Variants in RFX2 observed in about 807,000 individuals in gnomAD.
RFX2 encodes DNA-binding protein RFX2.
A neutral mutation model predicts 87.8 loss-of-function variants in RFX2; 20 were observed. That is an observed-to-expected ratio of 0.23 (90% confidence interval 0.16 to 0.33). The LOEUF is 0.33. RFX2 is among the 10% of genes least tolerant of loss of function. The probability of loss-of-function intolerance (pLI) is 1.00; values close to 1 mark genes in which losing one functional copy is unlikely to be tolerated. For missense variants in RFX2, 767 were observed against 1,012.3 expected, an observed-to-expected ratio of 0.76 and a Z score of 3.29; for synonymous variants, 397 against 431.3, an observed-to-expected ratio of 0.92 and a Z score of 0.98.
In RFX2 at chr19:6,012,584, T is replaced by G. The variant is rs1473989285; in HGVS notation, c.899+402A>C. 6.6e-6 allele frequency among the ~76,000 whole-genome samples: 1 copy of G among 151,788 alleles called. No individual in the cohort carries two copies. Among genetic ancestry groups the G allele is most frequent in the Non-Finnish European group, 1.5e-5 (1 of 67,960 alleles). On this transcript the variant is annotated intron_variant, in intron 8 of 17. Transcript: ENST00000303657. The surrounding 1 kb of genome is among the most constrained non-coding windows in gnomAD (Gnocchi z 4.6). ...GACTGTGGACTCTGGGGGGTGATGC[T>G]GGCTCCGCGGAGGGTCACGGGTCAT...
At position 6,002,215 on chromosome 19, in the gene RFX2, C is replaced by T. The variant is rs1182501033; in HGVS notation, c.1651-192G>A. Among the ~76,000 whole-genome samples the T allele has an allele frequency of 1.3e-5, 2 of 152,270 alleles. No homozygotes were observed. The highest frequency in any genetic ancestry group is 3.8e-4 in the East Asian group (2 of 5,196). On this transcript the variant is annotated intron_variant, in intron 14 of 17. Transcript: ENST00000303657. The surrounding 1 kb of genome is among the most constrained non-coding windows in gnomAD (Gnocchi z 6.7). Reference sequence around the variant, plus strand: ...AATAGAGAGCTGAGGGGGATCGTACCCGGCTTCCGGGGACTCATACCCAGG... The same window carrying T: ...AATAGAGAGCTGAGGGGGATCGTACTCGGCTTCCGGGGACTCATACCCAGG...
rs1353815834 is a variant in RFX2 at position 6,083,648 on chromosome 19, C to G, written c.-9+26745G>C. 1.3e-5 allele frequency among the ~76,000 whole-genome samples: 2 copies of G among 151,642 alleles called. No individual in the cohort carries two copies. Among genetic ancestry groups the G allele is most frequent in the African/African-American group, 2.4e-5 (1 of 41,210 alleles). ...AGTGCAGTGGTGCAAACATGGCTCA[C>G]TGCAGCCTCCACTTCCAGAGCTCAA... On this transcript the variant is annotated intron_variant, in intron 1 of 17. Transcript: ENST00000303657. The surrounding 1 kb of genome is among the most constrained non-coding windows in gnomAD (Gnocchi z 4.6).
At chr19:6,003,790 AAAAAAAAAAAAAAAAAAAG>A (rs1393371465) in intron 13 of RFX2, among the ~76,000 whole-genome samples, 1 of 146,130 alleles carries the variant, frequency 6.8e-6, no homozygotes, top group Non-Finnish European at 1.5e-5. Flanking sequence ...AAAAAAAAAA[AAAAAAAAAAAAAAAAAAAG>A]AAATGCTTGT....
In RFX2 at chr19:6,021,357, G is replaced by A. The variant is rs1435673609; in HGVS notation, c.597+4806C>T. Among the ~76,000 whole-genome samples, 1 of 152,202 alleles carries A rather than the reference G, an allele frequency of 6.6e-6. No individual in the cohort carries two copies. Among genetic ancestry groups the A allele is most frequent in the Non-Finnish European group, 1.5e-5 (1 of 68,026 alleles). On this transcript the variant is annotated intron_variant, in intron 6 of 17. Transcript: ENST00000303657. This position sits in a 1 kb window ranked among gnomAD's most constrained non-coding sequence, Gnocchi z 5.7. ...AAACCCCTGCCCCCTGGAAGCGTCC[G>A]TTCTTGTCTGGCAGAGACCCACAAT...
chr19:6,026,876 A>G lies in RFX2; in HGVS notation c.523-639T>C, dbSNP rs968432308. Among the ~76,000 whole-genome samples the G allele has an allele frequency of 6.6e-6, 1 of 152,186 alleles. No homozygotes were observed. The highest frequency in any genetic ancestry group is 1.5e-5 in the Non-Finnish European group (1 of 68,034). ...GGAAAAGAGAAAAGAGTTTTGGAAG[A>G]AAGAGTTGGGCAGCTAACAGCAGAA... is the stretch of plus-strand genomic sequence containing the variant. On this transcript the variant is annotated intron_variant, in intron 5 of 17. Coordinates refer to ENST00000303657, the MANE Select transcript of RFX2 (RefSeq NM_000635.4). This position sits in a 1 kb window ranked among gnomAD's most constrained non-coding sequence, Gnocchi z 4.5.
rs1310667704 is a variant in RFX2, at chr19:6,011,809, G to A, written c.899+1177C>T. On this transcript the variant is annotated intron_variant, in intron 8 of 17. Coordinates refer to ENST00000303657, the MANE Select transcript of RFX2 (RefSeq NM_000635.4). The surrounding 1 kb of genome is among the most constrained non-coding windows in gnomAD (Gnocchi z 4.8). ...CATACACGGGTGGCTCTGTGCAGAG[G>A]GTCCAGCACCAGGTGTAAAGGTGCC... Among the ~76,000 whole-genome samples, 1 of 152,204 alleles carries A rather than the reference G, an allele frequency of 6.6e-6. No homozygotes were observed. The highest frequency in any genetic ancestry group is 1.5e-5 in the Non-Finnish European group (1 of 68,042).
intron 1 of RFX2, among the ~76,000 whole-genome samples, chr19:6,053,704 C>T (rs1170414398): frequency 6.6e-6 from 1 of 152,076 alleles, no homozygotes; most frequent in African/African-American, 2.4e-5. Context: ...CCTGTAATCC[C>T]AGCACTTTGG....
rs888708671 is a variant in RFX2, at chr19:6,020,073, C to T, written c.598-3802G>A. 3 of 152,242 alleles carry T rather than the reference C, an allele frequency of 2.0e-5. No individual in the cohort carries two copies. The highest frequency in any genetic ancestry group is 6.5e-5 in the Admixed American group (1 of 15,286). The allele number at this position is 152,242 out of a possible 1,614,324, so 9.4% of individuals were successfully genotyped here. ...AGGCAGCAGGAGCCAAGGCCAGTGA[C>T]ACCACATCTCAAGGAGCCAAATGAC... On this transcript the variant is annotated intron_variant, in intron 6 of 17. Coordinates refer to ENST00000303657, the MANE Select transcript of RFX2 (RefSeq NM_000635.4). The surrounding 1 kb of genome is among the most constrained non-coding windows in gnomAD (Gnocchi z 5.3).
At chr19:6,095,420 G>T (rs17304450) in intron 1 of RFX2, among the ~76,000 whole-genome samples, 1 of 152,052 alleles carries the variant, frequency 6.6e-6, no homozygotes, top group South Asian at 2.1e-4. Context: ...TATCCTCAAG[G>T]GTTTTGCATG....
intron 1 of RFX2, among the ~76,000 whole-genome samples, chr19:6,107,400 T>C (rs1427285570): frequency 1.3e-5 from 2 of 151,934 alleles, no homozygotes; most frequent in African/African-American, 2.4e-5. Context: ...TTGGATCATT[T>C]GAGGTCAAGA....
At position 6,010,827 on chromosome 19, in the gene RFX2, A is replaced by C. The variant is rs1159728270; in HGVS notation, c.900-576T>G. On this transcript the variant is annotated intron_variant, in intron 8 of 17. Transcript: ENST00000303657. This position sits in a 1 kb window ranked among gnomAD's most constrained non-coding sequence, Gnocchi z 5.0. ...CATTTCTCTCTTAGAAAAAAAAGTG[A>C]AATTCTTGGCCGGGCGCAGGGGCTC... Among the ~76,000 whole-genome samples the C allele has an allele frequency of 6.6e-6, 1 of 152,318 alleles. No homozygotes were observed. The highest frequency in any genetic ancestry group is 1.9e-4 in the East Asian group (1 of 5,188).
chr19:6,109,757 TC>T (rs1194069738), intron 1 of RFX2, among the ~76,000 whole-genome samples: 1 of 150,610 alleles, frequency 6.6e-6, no homozygotes, highest in East Asian at 2.0e-4. Context: ...AAAAGAGGGG[TC>T]CCCGGGTGTC....
intron 1 of RFX2, among the ~76,000 whole-genome samples, chr19:6,088,739 T>C (rs2087891925): frequency 6.6e-6 from 1 of 152,164 alleles, no homozygotes; most frequent in African/African-American, 2.4e-5. Flanking sequence ...CATATACACA[T>C]GAGTACTAGT....
At position 6,012,298 on chromosome 19, in the gene RFX2, C is replaced by T. The variant is rs1231902066; in HGVS notation, c.899+688G>A. On this transcript the variant is annotated intron_variant, in intron 8 of 17. Transcript: ENST00000303657. This position sits in a 1 kb window ranked among gnomAD's most constrained non-coding sequence, Gnocchi z 4.6. The stretch of plus-strand genomic sequence containing the variant: ...TCTTGGGTTATTTGCAGTGTCCTCT[C>T]TCTCTTTACTTCCTAAGCTTTAAAA... The T allele has an allele frequency of 6.6e-6, 1 of 152,284 alleles. No individual in the cohort carries two copies. The highest frequency in any genetic ancestry group is 1.9e-4 in the East Asian group (1 of 5,202). 9.4% of individuals were successfully genotyped at this position (152,284 alleles called of 1,614,324 possible).
At chr19:6,065,281 C>G (rs2087492940) in intron 1 of RFX2, among the ~76,000 whole-genome samples, 1 of 152,110 alleles carries the variant, frequency 6.6e-6, no homozygotes, top group Non-Finnish European at 1.5e-5. Context: ...CATTTTCATT[C>G]CAACAACACT....
At chr19:6,073,072 C>T (rs773421055) in intron 1 of RFX2, 40 of 452,230 alleles carry the variant, frequency 8.8e-5, no homozygotes, top group Admixed American at 3.5e-4. Flanking sequence ...CTCCGCCTTC[C>T]GGGTTGAAGC....
At chr19:6,008,029 C>A in intron 10 of RFX2, 77 bp downstream of exon 10, 1 of 1,116,460 alleles carries the variant, frequency 9.0e-7, no homozygotes, top group Non-Finnish European at 1.3e-6. Context: ...CAGCGTCACC[C>A]GGGGACGCCT....
intron 5 of RFX2, among the ~76,000 whole-genome samples, chr19:6,035,566 G>A (rs2087011034): frequency 6.6e-6 from 1 of 152,170 alleles, no homozygotes; most frequent in Non-Finnish European, 1.5e-5. Flanking sequence ...GTGAGGACTT[G>A]CTTCAGTGTT....
rs1250338497 is a variant in RFX2, at chr19:6,040,477, A to C, written c.261-236T>G. 1.3e-5 allele frequency among the ~76,000 whole-genome samples: 2 copies of C among 152,310 alleles called. No homozygotes were observed. Among genetic ancestry groups the C allele is most frequent in the East Asian group, 3.9e-4 (2 of 5,178 alleles). ...CAAAAAGTGACCACTTAAAAATTCT[A>C]GGCCAGGCGTGGTGGCTCACGCCTG... On this transcript the variant is annotated intron_variant, in intron 4 of 17. Transcript: ENST00000303657. This position sits in a 1 kb window ranked among gnomAD's most constrained non-coding sequence, Gnocchi z 6.1.
Sources: allele counts gnomAD v4.1 joint callset (sites outside exome capture counted in the v4.1 genomes callset), GRCh38; gene constraint gnomAD v4.1.1; non-coding constraint Gnocchi (gnomAD v3.1); transcripts MANE v1.5; gene names NCBI Gene and HGNC (gene_info 2026-07-23, HGNC 2026-07-21).